Variants in CAMTA1 observed in about 807,000 individuals in gnomAD.
CAMTA1 encodes the protein calmodulin binding transcription activator 1, also known as calmodulin-binding transcription activator 1.
A neutral mutation model predicts 170.9 loss-of-function variants in CAMTA1; 27 were observed. The ratio of observed to expected loss-of-function variants is 0.16; its 90% CI spans 0.12 to 0.22. The LOEUF (loss-of-function observed/expected upper bound fraction) is 0.22. Among genes scored for constraint, CAMTA1 ranks in the 10% least tolerant of loss-of-function variants. The pLI, the probability that CAMTA1 is intolerant of heterozygous loss-of-function variation, is 1.00. For synonymous variants in CAMTA1, 833 were observed against 891.5 expected, an observed-to-expected ratio of 0.93 and a Z score of 1.17; for missense variants, 1,619 against 2,217.2, an observed-to-expected ratio of 0.73 and a Z score of 5.42.
At chr1:6,821,700 G>A (rs1646503495) in intron 2 of CAMTA1, among the ~76,000 whole-genome samples, 1 of 152,068 alleles carries the variant, frequency 6.6e-6, no homozygotes, top group Non-Finnish European at 1.5e-5. Flanking sequence ...TTCTAGATTA[G>A]TTAATATAGT....
At chr1:6,923,651 G>A (rs190921861) in intron 3 of CAMTA1, among the ~76,000 whole-genome samples, 2,219 of 152,204 alleles carry the variant, frequency 0.015, 45 homozygotes, top group African/African-American at 0.05. Flanking sequence ...GTGGTTTCCT[G>A]TGGCGGTGAG....
chr1:7,166,822 T>A lies in CAMTA1; in HGVS notation c.302+75451T>A, dbSNP rs931417345. On this transcript the variant is annotated intron_variant, in intron 4 of 22. Transcript: ENST00000303635. ...GTTTTGATGCAGTTTTTTTTTTTTTTTAAATTGAGATGGAGTCTCACTCTG... is the reference window on the plus strand; with the variant it reads ...GTTTTGATGCAGTTTTTTTTTTTTTATAAATTGAGATGGAGTCTCACTCTG... 5.9e-4 allele frequency among the ~76,000 whole-genome samples: 90 copies of A among 151,948 alleles called. 2 individuals carry two copies. The highest frequency in any genetic ancestry group is 4.4e-5 in the Non-Finnish European group (3 of 67,970).
chr1:7,531,053 G>A (rs1280969904), intron 6 of CAMTA1, among the ~76,000 whole-genome samples: 4 of 151,960 alleles, frequency 2.6e-5, no homozygotes, highest in Admixed American at 6.6e-5. Flanking sequence ...CTGACCTCAG[G>A]TGATCTGTAT....
At chr1:7,309,195 A>C (rs1462836523) in intron 5 of CAMTA1, among the ~76,000 whole-genome samples, 1 of 151,614 alleles carries the variant, frequency 6.6e-6, no homozygotes, top group Non-Finnish European at 1.5e-5. Flanking sequence ...ATTATATCTG[A>C]AATGCATTTT....
chr1:7,177,454 C>T (rs978914545), intron 4 of CAMTA1, among the ~76,000 whole-genome samples: 2 of 149,632 alleles, frequency 1.3e-5, no homozygotes, highest in African/African-American at 4.9e-5. Context: ...CACAGAGGCC[C>T]CTCCCACACC....
intron 6 of CAMTA1, 127 bp downstream of exon 6, chr1:7,468,028 G>C: frequency 1.3e-6 from 1 of 752,684 alleles, no homozygotes; most frequent in South Asian, 1.7e-5. Context: ...AGCTTGCCTA[G>C]GGAGACTTCG....
chr1:7,138,678 C>A (rs1412033035), intron 4 of CAMTA1, among the ~76,000 whole-genome samples: 1 of 152,140 alleles, frequency 6.6e-6, no homozygotes, highest in South Asian at 2.1e-4. Context: ...ATCTAGCTCA[C>A]CTTTTTTTAC....
At chr1:6,808,305 A>G (rs1430584767) in intron 1 of CAMTA1, among the ~76,000 whole-genome samples, 10 of 152,034 alleles carry the variant, frequency 6.6e-5, no homozygotes, top group African/African-American at 2.4e-4. Context: ...AGGGCCACCT[A>G]GTTACTTCTC....
chr1:7,432,008 G>A (rs993938617), intron 5 of CAMTA1, among the ~76,000 whole-genome samples: 2 of 152,312 alleles, frequency 1.3e-5, no homozygotes, highest in Admixed American at 1.3e-4. Flanking sequence ...CCTGAGCCAG[G>A]CAGAGGCAAC....
chr1:7,684,769 C>G (rs569925990), intron 11 of CAMTA1, among the ~76,000 whole-genome samples: 1 of 152,308 alleles, frequency 6.6e-6, no homozygotes, highest in East Asian at 1.9e-4. Context: ...TCCCTGTAGA[C>G]ATGAGCATTT....
At position 7,065,764 on chromosome 1, in the gene CAMTA1, G is replaced by T. The variant is rs752860799; in HGVS notation, c.235-25540G>T. 6.6e-6 allele frequency among the ~76,000 whole-genome samples: 1 copy of T among 152,132 alleles called. No individual in the cohort carries two copies. The highest frequency in any genetic ancestry group is 1.5e-5 in the Non-Finnish European group (1 of 68,030). The stretch of plus-strand genomic sequence containing the variant: ...TCTGACTGCAGAAAAGACCAGTCAG[G>T]GAAATAATGATTTTTCTTTCAACCT... On this transcript the variant is annotated intron_variant, in intron 3 of 22. Transcript: ENST00000303635. The surrounding 1 kb of genome is among the most constrained non-coding windows in gnomAD (Gnocchi z 5.2).
intron 4 of CAMTA1, among the ~76,000 whole-genome samples, chr1:7,209,671 G>A (rs376183705): frequency 2.4e-4 from 37 of 152,260 alleles, no homozygotes; most frequent in African/African-American, 8.4e-4. Flanking sequence ...GTAAGCTCCT[G>A]GTTTACCTTG....
chr1:7,136,504 T>G (rs988497563), intron 4 of CAMTA1, among the ~76,000 whole-genome samples: 3 of 152,194 alleles, frequency 2.0e-5, no homozygotes, highest in African/African-American at 7.2e-5. Context: ...ATACCCTATC[T>G]ATCTGTAGTA....
intron 9 of CAMTA1, among the ~76,000 whole-genome samples, chr1:7,668,433 C>CACACACACACACACACACA (rs36054481): frequency 8.7e-6 from 1 of 114,808 alleles, no homozygotes; most frequent in African/African-American, 3.5e-5. Context: ...ACACACACAC[C>CACACACACACACACACACA]CACCACACAC....
At chr1:7,378,159 T>C (rs558470931) in intron 5 of CAMTA1, among the ~76,000 whole-genome samples, 3 of 152,250 alleles carry the variant, frequency 2.0e-5, no homozygotes, top group South Asian at 2.1e-4. Context: ...ATTCTCCCAA[T>C]TGTAGTGAGC....
chr1:6,920,185 A>G (rs1681702296), intron 3 of CAMTA1, among the ~76,000 whole-genome samples: 2 of 152,204 alleles, frequency 1.3e-5, no homozygotes, highest in Non-Finnish European at 2.9e-5. Flanking sequence ...GGGTACATGT[A>G]TTGGGTAAAC....
intron 3 of CAMTA1, among the ~76,000 whole-genome samples, chr1:7,053,417 T>A (rs1706773382): frequency 6.6e-6 from 1 of 152,234 alleles, no homozygotes; most frequent in Admixed American, 6.5e-5. Context: ...TCTGGTCTCC[T>A]GCATCACTCC....
Position 7,732,016 on chromosome 1 carries a change from C to T in CAMTA1, c.2915-432C>T, listed in dbSNP as rs1577260070. On this transcript the variant is annotated intron_variant, in intron 11 of 22. Coordinates refer to ENST00000303635, the MANE Select transcript of CAMTA1 (RefSeq NM_015215.4). The surrounding 1 kb of genome is among the most constrained non-coding windows in gnomAD (Gnocchi z 4.1). Reference sequence around the variant, plus strand: ...AGTGTTTTGGTAAAAGATATACTACCTTTTTTTTTTTTTGTCTAACATACC... The same window carrying T: ...AGTGTTTTGGTAAAAGATATACTACTTTTTTTTTTTTTTGTCTAACATACC... 7.0e-6 allele frequency among the ~76,000 whole-genome samples: 1 copy of T among 143,326 alleles called. No homozygotes were observed. The highest frequency in any genetic ancestry group is 2.2e-4 in the South Asian group (1 of 4,540). The allele number at this position is 143,326 out of a possible 152,430, so 94.0% of individuals were successfully genotyped here. A position where few individuals can be genotyped will look rare whatever the true frequency, so the allele number is the denominator to read the frequency against.
intron 5 of CAMTA1, among the ~76,000 whole-genome samples, chr1:7,272,713 A>AAAAAAAAAAAAAAAAAAAAAAAAAAT (rs1670024235): frequency 1.1e-5 from 1 of 94,506 alleles, no homozygotes; most frequent in Non-Finnish European, 2.5e-5. Flanking sequence ...AAAAAAAAAA[A>AAAAAAAAAAAAAAAAAAAAAAAAAAT]AAAGAAAAGA....
Sources: gnomAD v4.1 joint callset for allele counts (sites outside exome capture counted in the v4.1 genomes callset) on GRCh38, gnomAD v4.1.1 for gene constraint, Gnocchi (gnomAD v3.1) non-coding constraint, MANE v1.5 for transcripts, NCBI Gene and HGNC (gene_info 2026-07-23, HGNC 2026-07-21) for gene names.